Variants in ASB14 observed in about 807,000 individuals in gnomAD.
ASB14 encodes ankyrin repeat and SOCS box protein 14.
ASB14 carries 63 observed loss-of-function variants against 55.6 expected under a neutral mutation model. The ratio of observed to expected loss-of-function variants is 1.13; its 90% CI spans 0.92 to 1.40. The LOEUF is 1.40. Ranked by LOEUF, ASB14 falls within the 40% of genes most tolerant of loss-of-function variation. The probability of loss-of-function intolerance (pLI) is 0.00; values close to 1 mark genes in which losing one functional copy is unlikely to be tolerated. For synonymous variants in ASB14, 256 were observed against 259.9 expected (o/e 0.98, Z 0.15); for missense variants, 724 against 710.4 (o/e 1.02, Z -0.22).
intron 6 of ASB14, among the ~76,000 whole-genome samples, chr3:57,281,827 A>T (rs2061043031): frequency 6.6e-6 from 1 of 152,096 alleles, no homozygotes; most frequent in Non-Finnish European, 1.5e-5. Context: ...CCATGTTGCC[A>T]CTCTAGCAAT....
At position 57,275,264 on chromosome 3, in the gene ASB14, C is replaced by A. The variant is rs7650768; in HGVS notation, c.*22+1264G>T. Reference sequence around the variant, plus strand: ...GTCAGGAGTTCAAGACCAGCCTGGCCAACATGATGAAACCCCGTTTCTACT... The same window carrying A: ...GTCAGGAGTTCAAGACCAGCCTGGCAAACATGATGAAACCCCGTTTCTACT... On this transcript the variant is annotated intron_variant, in intron 10 of 10. Transcript: ENST00000487349. 6.1e-4 allele frequency among the ~76,000 whole-genome samples: 92 copies of A among 152,008 alleles called. 1 individual carries two copies. The highest frequency in any genetic ancestry group is 3.4e-3 in the Middle Eastern group (1 of 294).
At chr3:57,289,201 G>T (rs1559525413) in intron 2 of ASB14, 78 bp from the exon 3 acceptor site, 1 of 972,566 alleles carries the variant, frequency 1.0e-6, no homozygotes, top group East Asian at 2.7e-5. Flanking sequence ...AAAAGGAAAG[G>T]GTAATGGTAG....
At chr3:57,276,228 C>T (rs1272025623) in intron 10 of ASB14, among the ~76,000 whole-genome samples, 5 of 150,562 alleles carry the variant, frequency 3.3e-5, no homozygotes, top group Admixed American at 2.0e-4. Flanking sequence ...TTTTTAACTG[C>T]CTAGAGAATG....
At chr3:57,282,231 C>T (rs922697094) in intron 6 of ASB14, among the ~76,000 whole-genome samples, 1 of 152,260 alleles carries the variant, frequency 6.6e-6, no homozygotes, top group South Asian at 2.1e-4. Flanking sequence ...CTAAAAAGCA[C>T]AAGGTTGTTT....
intron 10 of ASB14, chr3:57,270,188 CT>C (rs1280413040): frequency 6.6e-6 from 1 of 152,670 alleles, no homozygotes; most frequent in African/African-American, 2.4e-5. Flanking sequence ...TGCAATAGAA[CT>C]TTTATAAAAT....
intron 10 of ASB14, chr3:57,271,215 A>G (rs3204124): frequency 0.67 from 102,181 of 152,024 alleles, 34,733 homozygotes; most frequent in East Asian, 0.92. Context: ...AATATAACTC[A>G]GCTGTTTCAC....
intron 10 of ASB14, 167 bp from the exon 11 acceptor site, chr3:57,269,785 T>A: frequency 7.5e-7 from 1 of 1,340,088 alleles, no homozygotes; most frequent in Non-Finnish European, 1.0e-6. Flanking sequence ...AGGAGGAGAT[T>A]AAGCTTTATA....
intron 2 of ASB14, 21 bp from the exon 3 acceptor site, chr3:57,289,144 A>T: frequency 6.8e-7 from 1 of 1,465,632 alleles, no homozygotes; most frequent in Non-Finnish European, 9.2e-7. Flanking sequence ...AAAAATACAT[A>T]TGTAATTCCA....
intron 2 of ASB14, among the ~76,000 whole-genome samples, chr3:57,290,385 T>C (rs1213001907): frequency 6.6e-6 from 1 of 152,194 alleles, no homozygotes; most frequent in African/African-American, 2.4e-5. Context: ...AAGTTGTCTC[T>C]CCTGGCTCCC....
In ASB14 at chr3:57,280,340, G is replaced by A; in HGVS notation, c.849C>T (p.His283=). ...TGTCAGCTGCCACATGGATGGGCAG[G>A]TGGCCTGAATTCTTAGGGATGTTGG... ...ADANIPKNSG[H]LPIHVAADRG... is the part of the protein sequence containing the mutation. Residue 283 remains histidine, a synonymous_variant, in exon 7 of 11, where the codon CAC becomes CAT. Transcript: ENST00000487349. The A allele has an allele frequency of 6.4e-7, 1 of 1,550,804 alleles. No individual in the cohort carries two copies. Among genetic ancestry groups the A allele is most frequent in the South Asian group, 1.2e-5 (1 of 83,992 alleles).
Position 57,283,458 on chromosome 3 carries a change from G to T in ASB14, c.470-19C>A. 6.5e-7 allele frequency: 1 copy of T among 1,547,650 alleles called. No homozygotes were observed. The highest frequency in any genetic ancestry group is 8.7e-7 in the Non-Finnish European group (1 of 1,144,704). On this transcript the variant is annotated intron_variant, in intron 5 of 10. Coordinates refer to ENST00000487349, the MANE Select transcript of ASB14 (RefSeq NM_001142733.3). ...AGCACAGCTGGGAAATGAGAAGTGT[G>T]GTGGGCATGTTCAACGGGAAGTTAA... is the stretch of plus-strand genomic sequence containing the variant.
chr3:57,274,753 A>G (rs958333264), intron 10 of ASB14, among the ~76,000 whole-genome samples: 5 of 152,196 alleles, frequency 3.3e-5, no homozygotes, highest in Non-Finnish European at 5.9e-5. Context: ...CGTAACTGCC[A>G]TCGGTGAGCC....
chr3:57,283,174 G>A lies in ASB14; in HGVS notation c.715+20C>T. ...TCATGTTACCCTTTGTTAGTGTGCT[G>A]ACCAAACAGAAGATCTTGCCTTTCC... On this transcript the variant is annotated intron_variant, in intron 6 of 10. Transcript: ENST00000487349. 6.4e-7 allele frequency: 1 copy of A among 1,551,860 alleles called. No individual in the cohort carries two copies. The highest frequency in any genetic ancestry group is 8.7e-7 in the Non-Finnish European group (1 of 1,146,826).
At chr3:57,269,750 AG>A in intron 10 of ASB14, 132 bp from the exon 11 acceptor site, 1 of 1,545,174 alleles carries the variant, frequency 6.5e-7, no homozygotes, top group Non-Finnish European at 8.9e-7. Flanking sequence ...AAATGGCAGA[AG>A]GTAACAACTA....
At chr3:57,281,869 A>T (rs951339) in intron 6 of ASB14, among the ~76,000 whole-genome samples, 101,871 of 151,980 alleles carry the variant, frequency 0.67, 34,548 homozygotes, top group East Asian at 0.92. Flanking sequence ...GAATCAGATG[A>T]ACCTTGAAAT....
intron 9 of ASB14, 58 bp downstream of exon 9, chr3:57,277,709 C>G: frequency 2.7e-6 from 4 of 1,459,382 alleles, no homozygotes; most frequent in Non-Finnish European, 9.3e-7. Flanking sequence ...CTAAAACAAC[C>G]AAATAAGAAT....
Position 57,288,446 on chromosome 3 carries a change from G to A in ASB14, c.179-160C>T, listed in dbSNP as rs533597020. Reference sequence around the variant, plus strand: ...ATGGCATATGACAGACAGTAAGGCCGGTCATGTAGCGTTCCGCACCTGGGC... The same window carrying A: ...ATGGCATATGACAGACAGTAAGGCCAGTCATGTAGCGTTCCGCACCTGGGC... On this transcript the variant is annotated intron_variant, in intron 3 of 10. Coordinates refer to ENST00000487349, the MANE Select transcript of ASB14 (RefSeq NM_001142733.3). 7.2e-5 allele frequency among the ~76,000 whole-genome samples: 11 copies of A among 152,288 alleles called. No individual in the cohort carries two copies. The South Asian group carries it at 1.0e-3, about 14-fold the overall frequency.
intron 5 of ASB14, among the ~76,000 whole-genome samples, chr3:57,284,094 A>ATGTGTGTGTGTGTGTGTGTGTG (rs147304310): frequency 0.066 from 8,974 of 136,130 alleles, 431 homozygotes; most frequent in East Asian, 0.18. Context: ...AACACTGTGT[A>ATGTGTGTGTGTGTGTGTGTGTG]TGTGTGTGTG....
chr3:57,281,032 T>G (rs1407380512), intron 6 of ASB14, among the ~76,000 whole-genome samples: 3 of 152,036 alleles, frequency 2.0e-5, no homozygotes, highest in African/African-American at 7.3e-5. Flanking sequence ...TCCAAAATGC[T>G]TGGGACCAGA....
Sources: gnomAD v4.1 joint callset for allele counts (sites outside exome capture counted in the v4.1 genomes callset) on GRCh38, gnomAD v4.1.1 for gene constraint, MANE v1.5 for transcripts, NCBI Gene and HGNC (gene_info 2026-07-23, HGNC 2026-07-21) for gene names.